Variants in CACNA2D3 observed in about 807,000 individuals in gnomAD.
CACNA2D3 encodes calcium voltage-gated channel auxiliary subunit alpha2delta 3.
Under a neutral mutation model 160.6 loss-of-function variants are expected in CACNA2D3, and 60 were observed. The observed-to-expected ratio is 0.37, with a 90% CI of 0.30 to 0.46. The LOEUF is 0.46. Among genes scored for constraint, CACNA2D3 ranks in the 20% least tolerant of loss-of-function variants. The pLI, the probability that CACNA2D3 is intolerant of heterozygous loss-of-function variation, is 1.00. For synonymous variants in CACNA2D3, 558 were observed against 492.9 expected (o/e 1.13, Z -1.75); for missense variants, 1,205 against 1,365.0 (o/e 0.88, Z 1.85).
chr3:54,198,894 G>A (rs578055151), intron 2 of CACNA2D3, among the ~76,000 whole-genome samples: 157 of 152,364 alleles, frequency 1.0e-3, no homozygotes, highest in African/African-American at 3.6e-3. Flanking sequence ...GGCCGTGGCC[G>A]GGAGCTCCTA....
intron 9 of CACNA2D3, among the ~76,000 whole-genome samples, chr3:54,584,037 G>A (rs1702720547): frequency 6.6e-6 from 1 of 152,004 alleles, no homozygotes; most frequent in South Asian, 2.1e-4. Flanking sequence ...TTTCAGTGGG[G>A]CCAAATAAGA....
intron 13 of CACNA2D3, among the ~76,000 whole-genome samples, chr3:54,810,128 G>A (rs1010488592): frequency 6.6e-6 from 1 of 152,146 alleles, no homozygotes; most frequent in African/African-American, 2.4e-5. Context: ...TGAAGTTGTC[G>A]GGGCAGAGCA....
At chr3:54,835,829 A>T (rs766293960) in intron 14 of CACNA2D3, among the ~76,000 whole-genome samples, 10 of 152,176 alleles carry the variant, frequency 6.6e-5, no homozygotes, top group Non-Finnish European at 1.2e-4. Context: ...GCTACTTACT[A>T]GCTGTGTGAC....
chr3:54,215,535 T>C (rs994830068), intron 2 of CACNA2D3, among the ~76,000 whole-genome samples: 2 of 152,220 alleles, frequency 1.3e-5, no homozygotes, highest in Non-Finnish European at 2.9e-5. Flanking sequence ...CTTTTGATTT[T>C]AGAAGCCAAG....
chr3:54,479,149 T>C (rs866655343), intron 4 of CACNA2D3, among the ~76,000 whole-genome samples: 3 of 152,092 alleles, frequency 2.0e-5, no homozygotes, highest in Non-Finnish European at 4.4e-5. Flanking sequence ...GATGGTTTTA[T>C]AAGAAGCTTT....
At chr3:55,062,211 C>T (rs1251081839) in intron 35 of CACNA2D3, among the ~76,000 whole-genome samples, 1 of 151,870 alleles carries the variant, frequency 6.6e-6, no homozygotes, top group Non-Finnish European at 1.5e-5. Flanking sequence ...CCTCAAAGTC[C>T]TGGGCTCAAG....
chr3:54,613,099 T>C (rs1698777804), intron 9 of CACNA2D3, among the ~76,000 whole-genome samples: 1 of 152,236 alleles, frequency 6.6e-6, no homozygotes, highest in South Asian at 2.1e-4. Flanking sequence ...AGTGGATATT[T>C]AGTTGACCTG....
At chr3:54,641,961 TGTG>T (rs1273560545) in intron 10 of CACNA2D3, among the ~76,000 whole-genome samples, 164 bp from the exon 11 acceptor site, 3 of 152,184 alleles carry the variant, frequency 2.0e-5, no homozygotes, top group Non-Finnish European at 2.9e-5. Flanking sequence ...TCAGAGCAAA[TGTG>T]GTGATCTGTG....
intron 13 of CACNA2D3, among the ~76,000 whole-genome samples, chr3:54,791,284 TTC>T (rs1300113092): frequency 6.6e-6 from 1 of 152,060 alleles, no homozygotes; most frequent in Non-Finnish European, 1.5e-5. Context: ...TTTCTCAATG[TTC>T]AGTAGGAATA....
chr3:54,200,203 T>C (rs1701154005), intron 2 of CACNA2D3, among the ~76,000 whole-genome samples: 1 of 152,204 alleles, frequency 6.6e-6, no homozygotes, highest in Non-Finnish European at 1.5e-5. Context: ...GTAGCTGAGA[T>C]CCAGGCAAGG....
At chr3:54,191,588 G>A (rs1325653868) in intron 2 of CACNA2D3, among the ~76,000 whole-genome samples, 3 of 152,024 alleles carry the variant, frequency 2.0e-5, no homozygotes, top group Non-Finnish European at 4.4e-5. Context: ...CAAGGAAATC[G>A]GTGATACAGT....
chr3:54,126,105 T>C (rs1241462268), intron 2 of CACNA2D3, among the ~76,000 whole-genome samples: 4 of 152,256 alleles, frequency 2.6e-5, no homozygotes, highest in African/African-American at 9.6e-5. Flanking sequence ...TAAGGTGTGC[T>C]GTATACCACC....
At chr3:54,762,997 A>C (rs890759163) in intron 12 of CACNA2D3, among the ~76,000 whole-genome samples, 3 of 151,816 alleles carry the variant, frequency 2.0e-5, no homozygotes, top group Non-Finnish European at 4.4e-5. Context: ...CTGAAGCAGG[A>C]GAATGGTGTG....
intron 35 of CACNA2D3, among the ~76,000 whole-genome samples, chr3:55,021,615 ATGTGTGTG>A (rs1316787642): frequency 1.3e-4 from 15 of 111,278 alleles, no homozygotes; most frequent in African/African-American, 5.7e-4. Flanking sequence ...ATATATATAT[ATGTGTGTG>A]TGTATATATA....
At chr3:54,478,311 C>T (rs1173175165) in intron 4 of CACNA2D3, among the ~76,000 whole-genome samples, 2 of 152,060 alleles carry the variant, frequency 1.3e-5, no homozygotes, top group Non-Finnish European at 2.9e-5. Context: ...GAAAATATTA[C>T]ATGGCAAATT....
intron 2 of CACNA2D3, among the ~76,000 whole-genome samples, chr3:54,160,563 G>C (rs1437287360): frequency 6.6e-6 from 1 of 152,218 alleles, no homozygotes; most frequent in Non-Finnish European, 1.5e-5. Context: ...CAGAGCCCCA[G>C]CTCTAGAATG....
intron 4 of CACNA2D3, among the ~76,000 whole-genome samples, chr3:54,468,589 C>A (rs184066823): frequency 2.0e-5 from 3 of 152,172 alleles, no homozygotes; most frequent in East Asian, 1.9e-4. Context: ...CCGTTTCCCC[C>A]CTCTGGAAAG....
intron 29 of CACNA2D3, among the ~76,000 whole-genome samples, chr3:54,975,348 G>A (rs752971652): frequency 1.5e-4 from 23 of 152,080 alleles, no homozygotes; most frequent in African/African-American, 2.9e-4. Context: ...GTGAAATCCC[G>A]TCTTTACTAA....
At chr3:54,543,942 G>A (rs1317289525) in intron 5 of CACNA2D3, among the ~76,000 whole-genome samples, 1 of 152,112 alleles carries the variant, frequency 6.6e-6, no homozygotes, top group Non-Finnish European at 1.5e-5. Context: ...GACAATGTCT[G>A]GAGAAAGTTA....
Sources: gnomAD v4.1 joint callset for allele counts (sites outside exome capture counted in the v4.1 genomes callset) on GRCh38, gnomAD v4.1.1 for gene constraint, MANE v1.5 for transcripts, NCBI Gene and HGNC (gene_info 2026-07-23, HGNC 2026-07-21) for gene names.